NCOR2: variants seen among roughly 807,000 people sequenced by gnomAD.
NCOR2 encodes the protein nuclear receptor corepressor 2.
In NCOR2, 81 loss-of-function variants were observed where a neutral mutation model predicts 262.9. That is an observed-to-expected ratio of 0.31 (90% CI 0.26 to 0.37). The LOEUF is 0.37. Ranked by LOEUF, NCOR2 falls within the 10% of genes least tolerant of loss-of-function variation. NCOR2 has a pLI of 1.00. For missense variants in NCOR2, 3,385 were observed against 3,621.4 expected, an observed-to-expected ratio of 0.93 and a Z score of 1.68; for synonymous variants, 1,659 against 1,559.3, an observed-to-expected ratio of 1.06 and a Z score of -1.51.
exon 9 of NCOR2, chr12:124,430,692 C>G: frequency 6.2e-7 from 1 of 1,614,210 alleles, no homozygotes; most frequent in Non-Finnish European, 8.5e-7. Flanking sequence ...GCACCTTGCT[C>G]TCCTTGGCCC....
exon 31 of NCOR2, chr12:124,346,829 T>C: frequency 6.3e-7 from 1 of 1,580,254 alleles, no homozygotes; most frequent in South Asian, 1.2e-5. Flanking sequence ...CTCCTGTGCC[T>C]CCACGTAGGA....
intron 20 of NCOR2, among the ~76,000 whole-genome samples, chr12:124,368,646 G>T (rs906778546): frequency 2.0e-5 from 3 of 152,202 alleles, no homozygotes; most frequent in African/African-American, 7.2e-5. Context: ...TTGCACTGGT[G>T]GTTCCCAGGG....
intron 1 of NCOR2, among the ~76,000 whole-genome samples, chr12:124,559,341 G>GC (rs1005119261): frequency 6.6e-6 from 1 of 152,144 alleles, no homozygotes; most frequent in African/African-American, 2.4e-5. Context: ...ACAGTGCTGA[G>GC]CCCCCCACCT....
At chr12:124,534,144 C>T (rs1469274473) in intron 1 of NCOR2, among the ~76,000 whole-genome samples, 2 of 152,092 alleles carry the variant, frequency 1.3e-5, no homozygotes, top group African/African-American at 4.8e-5. Flanking sequence ...GGTATCCAAA[C>T]ACAGAAAAGG....
In NCOR2 at chr12:124,325,383, C is replaced by CCG. The variant is rs546976590; in HGVS notation, c.*18_*19insCG. On this transcript the variant is annotated 3_prime_UTR_variant, in exon 47 of 47. Transcript: ENST00000405201. ...CTCGCTGGGACCTGACACCGCCCCC[C>CCG]CCCCCGCCCTGTTCTGAGTCACTCG... is the stretch of plus-strand genomic sequence containing the variant. 2.3e-5 allele frequency: 10 copies of CCG among 439,938 alleles called. 2 individuals are homozygous for CCG. Among genetic ancestry groups the CCG allele is most frequent in the Non-Finnish European group, 3.2e-5 (9 of 284,808 alleles). The allele number at this position is 439,938 out of a possible 1,614,324, so 27.3% of individuals were successfully genotyped here. A position where few individuals can be genotyped will look rare whatever the true frequency, so the allele number is the denominator to read the frequency against.
chr12:124,519,484 A>G (rs1169796297), intron 1 of NCOR2, among the ~76,000 whole-genome samples: 1 of 152,146 alleles, frequency 6.6e-6, no homozygotes, highest in Admixed American at 6.5e-5. Context: ...AGCATGGCAG[A>G]TGTGAAGGTC....
intron 37 of NCOR2, among the ~76,000 whole-genome samples, chr12:124,338,004 TG>T (rs1429905922): frequency 6.6e-6 from 1 of 152,252 alleles, no homozygotes; most frequent in Admixed American, 6.5e-5. Context: ...TGCGGAACCC[TG>T]CTCCCCACAG....
intron 27 of NCOR2, 72 bp from the exon 30 acceptor site, chr12:124,350,809 G>C: frequency 1.3e-6 from 2 of 1,513,750 alleles, no homozygotes; most frequent in Non-Finnish European, 8.9e-7. Flanking sequence ...TGCAGGCAAA[G>C]ACGTGCTTAA....
At position 124,330,918 on chromosome 12, in the gene NCOR2, T is replaced by C; in HGVS notation, c.6905-20A>G. ...TGATATCTGGAAGCGGGTGACAGAG[T>C]GGGTGAGGCCCCCAGGTCTCTGGGA... On this transcript the variant is annotated intron_variant, in intron 43 of 46. Transcript: ENST00000405201. 1.3e-6 allele frequency: 2 copies of C among 1,572,380 alleles called. No homozygotes were observed. Among genetic ancestry groups the C allele is most frequent in the African/African-American group, 1.3e-5 (1 of 74,146 alleles).
intron 10 of NCOR2, chr12:124,429,407 C>G (rs2043787500): frequency 3.3e-6 from 2 of 599,482 alleles, no homozygotes; most frequent in African/African-American, 3.7e-5. Flanking sequence ...TACCCTCCCT[C>G]TCAGACACAT....
chr12:124,515,380 GAA>G (rs11285264), intron 1 of NCOR2, among the ~76,000 whole-genome samples: 1,461 of 145,082 alleles, frequency 0.01, 12 homozygotes, highest in Middle Eastern at 0.018. Context: ...TTCAAAAAAG[GAA>G]AAAAAAAAAA....
chr12:124,561,169 C>T (rs114748698), intron 1 of NCOR2, among the ~76,000 whole-genome samples: 431 of 152,296 alleles, frequency 2.8e-3, no homozygotes, highest in African/African-American at 9.3e-3. Context: ...GCCCACACTT[C>T]GCAGGGACCT....
intron 1 of NCOR2, among the ~76,000 whole-genome samples, chr12:124,501,837 G>T (rs2048755174): frequency 6.6e-6 from 1 of 152,180 alleles, no homozygotes; most frequent in Non-Finnish European, 1.5e-5. Context: ...GTTCACTGCT[G>T]TATCCCCAGA....
intron 20 of NCOR2, among the ~76,000 whole-genome samples, chr12:124,368,271 T>A (rs1395794601): frequency 6.6e-6 from 1 of 152,040 alleles, no homozygotes; most frequent in Non-Finnish European, 1.5e-5. Flanking sequence ...GAAGGCCGGT[T>A]GGGGGGCAGG....
intron 35 of NCOR2, 47 bp from the exon 38 acceptor site, chr12:124,340,490 G>C: frequency 1.9e-6 from 3 of 1,593,526 alleles, no homozygotes; most frequent in Non-Finnish European, 2.6e-6. Flanking sequence ...CCGAAGAAGA[G>C]CCTGGCTTTG....
Position 124,378,132 on chromosome 12 carries a change from G to C in NCOR2, c.2167+105C>G. On this transcript the variant is annotated intron_variant, in intron 18 of 46. Transcript: ENST00000405201. The surrounding 1 kb of genome is among the most constrained non-coding windows in gnomAD (Gnocchi z 4.2). Reference sequence around the variant, plus strand: ...CGAGGCCCCTTCTAAGGAGGACCCAGATGACTCAGGGGAGAGGAGGCTGCC... The same window carrying C: ...CGAGGCCCCTTCTAAGGAGGACCCACATGACTCAGGGGAGAGGAGGCTGCC... 1 of 1,519,552 alleles carries C rather than the reference G, an allele frequency of 6.6e-7. No homozygotes were observed. Among genetic ancestry groups the C allele is most frequent in the Non-Finnish European group, 8.8e-7 (1 of 1,136,750 alleles). 94.1% of individuals were successfully genotyped at this position (1,519,552 alleles called of 1,614,324 possible).
exon 41 of NCOR2, chr12:124,334,556 G>A (rs756814630): frequency 2.8e-6 from 4 of 1,417,520 alleles, no homozygotes; most frequent in Admixed American, 6.4e-5. Context: ...GTAGAGGGGG[G>A]CGGGCAGGGG....
intron 16 of NCOR2, among the ~76,000 whole-genome samples, chr12:124,390,609 G>C (rs1419183305): frequency 1.3e-5 from 2 of 152,154 alleles, no homozygotes; most frequent in Non-Finnish European, 2.9e-5. Context: ...GGGCATCTCT[G>C]CCACCCGTCT....
At chr12:124,354,874 G>C (rs373530484) in exon 25 of NCOR2, 1 of 1,612,616 alleles carries the variant, frequency 6.2e-7, no homozygotes, top group Non-Finnish European at 8.5e-7. Flanking sequence ...GCAGCCCCAT[G>C]GTGACAGGGC....
Sources: gnomAD v4.1 joint callset for allele counts (sites outside exome capture counted in the v4.1 genomes callset) on GRCh38, gnomAD v4.1.1 for gene constraint, Gnocchi (gnomAD v3.1) non-coding constraint, MANE v1.5 for transcripts, NCBI Gene and HGNC (gene_info 2026-07-23, HGNC 2026-07-21) for gene names.